The following KIAA1217 variants were observed in gnomAD, a reference collection of about 807,000 sequenced individuals.
KIAA1217 encodes the protein sickle tail protein homolog.
A neutral mutation model predicts 163.9 loss-of-function variants in KIAA1217; 88 were observed. The ratio of observed to expected loss-of-function variants is 0.54; its 90% CI spans 0.45 to 0.64. The LOEUF (loss-of-function observed/expected upper bound fraction) is 0.64, where lower values mean the gene tolerates loss of function less well. KIAA1217 is among the 30% of genes least tolerant of loss of function. The pLI, the probability that KIAA1217 is intolerant of heterozygous loss-of-function variation, is 0.00. For missense variants in KIAA1217, 2,372 were observed against 2,475.0 expected, an observed-to-expected ratio of 0.96 and a Z score of 0.88; for synonymous variants, 903 against 923.1, an observed-to-expected ratio of 0.98 and a Z score of 0.39.
intron 1 of KIAA1217, among the ~76,000 whole-genome samples, chr10:23,706,825 A>G (rs1001659110): frequency 6.6e-6 from 1 of 152,134 alleles, no homozygotes; most frequent in African/African-American, 2.4e-5. Context: ...AGATGAAGGG[A>G]AGAGAAGGAA....
At chr10:24,226,161 A>G (rs950462035) in intron 2 of KIAA1217, among the ~76,000 whole-genome samples, 1 of 152,172 alleles carries the variant, frequency 6.6e-6, no homozygotes, top group East Asian at 1.9e-4. Flanking sequence ...TCCAGGAAAA[A>G]AAAAAAGAAT....
At chr10:23,797,541 T>G (rs1836264198) in intron 1 of KIAA1217, among the ~76,000 whole-genome samples, 2 of 151,894 alleles carry the variant, frequency 1.3e-5, no homozygotes, top group African/African-American at 4.8e-5. Context: ...TGACTCACAG[T>G]TCCACAGGCT....
intron 16 of KIAA1217, 85 bp from the exon 17 acceptor site, chr10:24,536,689 A>G (rs1350855422): frequency 6.8e-7 from 1 of 1,460,714 alleles, no homozygotes; most frequent in Non-Finnish European, 9.4e-7. Flanking sequence ...TGGGGTCCAC[A>G]AGCGTCTGGT....
At chr10:23,830,402 G>T (rs1354500026) in intron 1 of KIAA1217, among the ~76,000 whole-genome samples, 1 of 152,074 alleles carries the variant, frequency 6.6e-6, no homozygotes, top group South Asian at 2.1e-4. Context: ...GATAAAAGAC[G>T]ACCGTGTCCA....
chr10:24,534,098 G>T (rs1156713168), intron 16 of KIAA1217, among the ~76,000 whole-genome samples: 1 of 152,184 alleles, frequency 6.6e-6, no homozygotes, highest in Non-Finnish European at 1.5e-5. Context: ...CGTACCAATG[G>T]CTTTGTGCCA....
chr10:24,359,616 AC>A (rs2049675189), intron 2 of KIAA1217, among the ~76,000 whole-genome samples: 1 of 152,204 alleles, frequency 6.6e-6, no homozygotes, highest in Non-Finnish European at 1.5e-5. Context: ...AATGAAGCTT[AC>A]GCCCAGTTCT....
intron 1 of KIAA1217, among the ~76,000 whole-genome samples, chr10:23,916,454 C>T (rs992780807): frequency 6.6e-6 from 1 of 152,324 alleles, no homozygotes; most frequent in East Asian, 1.9e-4. Flanking sequence ...GGTGCATTCA[C>T]ACCACTTTAT....
intron 2 of KIAA1217, among the ~76,000 whole-genome samples, chr10:24,056,521 G>GA (rs200408889): frequency 3.3e-4 from 49 of 148,694 alleles, no homozygotes; most frequent in East Asian, 1.4e-3. Context: ...CATACGACAG[G>GA]AAAAAAAAAA....
intron 3 of KIAA1217, among the ~76,000 whole-genome samples, chr10:24,418,084 C>G (rs1564643671): frequency 6.6e-6 from 1 of 151,496 alleles, no homozygotes; most frequent in Non-Finnish European, 1.5e-5. Flanking sequence ...GTAGCTGGGA[C>G]TACAGGCATC....
Position 23,833,005 on chromosome 10 carries a change from C to A in KIAA1217, c.-321+137771C>A, listed in dbSNP as rs138848694. Among the ~76,000 whole-genome samples the A allele has an allele frequency of 5.2e-3, 786 of 152,126 alleles. 10 individuals carry two copies. The highest frequency in any genetic ancestry group is 0.017 in the African/African-American group (710 of 41,508). ...CCCCATGATTCAATTACCTCCCACC[C>A]GGTCCCTCCCACAAGACATGGGAAT... On this transcript the variant is annotated intron_variant, in intron 1 of 18. Transcript: ENST00000376462.
At chr10:24,425,303 A>G (rs2059091126) in intron 3 of KIAA1217, among the ~76,000 whole-genome samples, 1 of 152,348 alleles carries the variant, frequency 6.6e-6, no homozygotes, top group African/African-American at 2.4e-5. Context: ...CAGGTATTTC[A>G]GGAGACTTAA....
chr10:24,097,340 C>G (rs150991823), intron 2 of KIAA1217, among the ~76,000 whole-genome samples: 37 of 152,244 alleles, frequency 2.4e-4, no homozygotes, highest in African/African-American at 8.4e-4. Flanking sequence ...TCCCTTGAGC[C>G]TGGGAGTTTA....
chr10:24,375,155 G>A (rs919448439), intron 2 of KIAA1217, among the ~76,000 whole-genome samples: 1 of 152,168 alleles, frequency 6.6e-6, no homozygotes, highest in Admixed American at 6.5e-5. Context: ...GGCAGGTGGT[G>A]GCCAACTGGA....
At chr10:23,869,079 C>T (rs1046704242) in intron 1 of KIAA1217, among the ~76,000 whole-genome samples, 3 of 145,114 alleles carry the variant, frequency 2.1e-5, no homozygotes, top group Admixed American at 1.4e-4. Context: ...TGTTTTCAGT[C>T]CAGGGTATAT....
intron 2 of KIAA1217, among the ~76,000 whole-genome samples, chr10:24,041,337 T>C (rs761274074): frequency 6.6e-6 from 1 of 152,204 alleles, no homozygotes; most frequent in Non-Finnish European, 1.5e-5. Flanking sequence ...ACATGTTCAA[T>C]TGGTGGAAGG....
chr10:23,843,447 T>A (rs1257178048), intron 1 of KIAA1217, among the ~76,000 whole-genome samples: 2 of 152,164 alleles, frequency 1.3e-5, no homozygotes, highest in Non-Finnish European at 2.9e-5. Flanking sequence ...TGTTCCTCCC[T>A]GCCTTCCTCT....
At chr10:24,363,827 C>G (rs944990933) in intron 2 of KIAA1217, among the ~76,000 whole-genome samples, 2 of 152,114 alleles carry the variant, frequency 1.3e-5, no homozygotes, top group Non-Finnish European at 2.9e-5. Flanking sequence ...CCACCTTAGC[C>G]TCCCAAAATG....
chr10:24,116,123 A>G (rs924051016), intron 2 of KIAA1217, among the ~76,000 whole-genome samples: 3 of 151,994 alleles, frequency 2.0e-5, no homozygotes, highest in Admixed American at 6.5e-5. Context: ...CACCTGATCC[A>G]TCTTGCCCCC....
chr10:23,872,530 C>T (rs1449279350), intron 1 of KIAA1217, among the ~76,000 whole-genome samples: 1 of 152,056 alleles, frequency 6.6e-6, no homozygotes, highest in Non-Finnish European at 1.5e-5. Flanking sequence ...CATTTACCAC[C>T]ACAAATATAT....
Sources: allele counts gnomAD v4.1 joint callset (sites outside exome capture counted in the v4.1 genomes callset), GRCh38; gene constraint gnomAD v4.1.1; transcripts MANE v1.5; gene names NCBI Gene and HGNC (gene_info 2026-07-23, HGNC 2026-07-21).